RAP1GAP2: variants seen among roughly 807,000 people sequenced by gnomAD.
RAP1GAP2 encodes the protein rap1 GTPase-activating protein 2.
A neutral mutation model predicts 95.0 loss-of-function variants in RAP1GAP2; 27 were observed. The observed-to-expected ratio is 0.28, with a 90% CI of 0.21 to 0.39. RAP1GAP2 has a LOEUF of 0.39. RAP1GAP2 is among the 10% of genes least tolerant of loss of function. The pLI, the probability that RAP1GAP2 is intolerant of heterozygous loss-of-function variation, is 1.00. For synonymous variants in RAP1GAP2, 373 were observed against 380.9 expected (o/e 0.98, Z 0.24); for missense variants, 771 against 970.0 (o/e 0.79, Z 2.72).
chr17:3,018,011 A>G, intron 17 of RAP1GAP2, 50 bp from the exon 18 acceptor site: 1 of 1,537,738 alleles, frequency 6.5e-7, no homozygotes, highest in Non-Finnish European at 8.8e-7. Context: ...GGGCAGAGTC[A>G]TCCGGAGAGC....
chr17:2,963,441 C>G lies in RAP1GAP2; in HGVS notation c.258C>G (p.Ile86Met). 1 of 1,613,820 alleles carries G rather than the reference C, an allele frequency of 6.2e-7. No individual in the cohort carries two copies. Among genetic ancestry groups the G allele is most frequent in the Non-Finnish European group, 8.5e-7 (1 of 1,179,812 alleles). Residue 86 changes from isoleucine (I) to methionine (M), a missense_variant, in exon 6 of 25, where the codon ATC becomes ATG. Physicochemically the swap from Ile to Met is conservative, Grantham distance 10. Coordinates refer to ENST00000254695, the MANE Select transcript of RAP1GAP2 (RefSeq NM_015085.5). The surrounding 1 kb of genome is among the most constrained non-coding windows in gnomAD (Gnocchi z 4.8). Reference sequence around the variant, plus strand: ...GGTTTGTCTTGCAGGACGACTATATCCCATACCCCAGCATCGACGAGGTAG... The same window carrying G: ...GGTTTGTCTTGCAGGACGACTATATGCCATACCCCAGCATCGACGAGGTAG... ...PGPQKNKDDY[I>M]PYPSIDEVVE...
At chr17:2,817,191 G>A (rs1437713496) in intron 2 of RAP1GAP2, among the ~76,000 whole-genome samples, 1 of 117,770 alleles carries the variant, frequency 8.5e-6, no homozygotes, top group Non-Finnish European at 2.0e-5. Flanking sequence ...ATAGGGTTTC[G>A]CCATGATGGC....
intron 2 of RAP1GAP2, among the ~76,000 whole-genome samples, chr17:2,824,120 CAAA>C (rs71150900): frequency 1.3e-4 from 14 of 105,414 alleles, no homozygotes; most frequent in Non-Finnish European, 1.9e-4. Context: ...AAGACTGTCT[CAAA>C]AAAAAAAAAA....
At chr17:2,949,589 A>G (rs2043840182) in intron 3 of RAP1GAP2, among the ~76,000 whole-genome samples, 1 of 151,288 alleles carries the variant, frequency 6.6e-6, no homozygotes, top group Non-Finnish European at 1.5e-5. Context: ...TGCCCTGAGC[A>G]TTAACTCAGT....
Position 2,791,397 on chromosome 17 carries a change from T to C in RAP1GAP2, c.-13-9118T>C, listed in dbSNP as rs773313181. Among the ~76,000 whole-genome samples the C allele has an allele frequency of 4.6e-5, 7 of 152,048 alleles. No individual in the cohort carries two copies. The South Asian group carries it at 6.2e-4, about 14-fold the overall frequency. On this transcript the variant is annotated intron_variant, in intron 1 of 24. Coordinates refer to the RAP1GAP2 transcript ENST00000540393. The stretch of plus-strand genomic sequence containing the variant: ...GAGAAGGAGCCCGTCCAGCCAGGCA[T>C]TGGGGGTAGCTGGGTACTTGCTCTT...
At chr17:2,954,569 C>CTTAT (rs142139752) in intron 3 of RAP1GAP2, among the ~76,000 whole-genome samples, 7,576 of 150,760 alleles carry the variant, frequency 0.05, 235 homozygotes, top group African/African-American at 0.075. Flanking sequence ...CATATCAGTA[C>CTTAT]TTATTTATTT....
chr17:2,936,508 A>G (rs2043316329), intron 3 of RAP1GAP2, among the ~76,000 whole-genome samples: 1 of 151,612 alleles, frequency 6.6e-6, no homozygotes, highest in Non-Finnish European at 1.5e-5. Flanking sequence ...CCCTGCCTCG[A>G]ACCTCTTTCA....
chr17:2,778,773 G>A (rs1437410825), intron 1 of RAP1GAP2, among the ~76,000 whole-genome samples: 1 of 152,170 alleles, frequency 6.6e-6, no homozygotes, highest in African/African-American at 2.4e-5. Context: ...GGCTTATTTG[G>A]GAAGCAATCT....
intron 2 of RAP1GAP2, among the ~76,000 whole-genome samples, chr17:2,880,778 T>C (rs1047668863): frequency 3.3e-5 from 5 of 152,202 alleles, no homozygotes; most frequent in Admixed American, 6.6e-5. Flanking sequence ...TGGATTTTGC[T>C]GTATTTCCAT....
chr17:3,007,919 A>T, intron 16 of RAP1GAP2, 92 bp from the exon 17 acceptor site: 1 of 1,455,352 alleles, frequency 6.9e-7, no homozygotes, highest in Non-Finnish European at 9.3e-7. Context: ...GCAGAATGTC[A>T]GCCTCCAGGC....
At chr17:2,888,112 A>AT (rs1351067316) in intron 2 of RAP1GAP2, among the ~76,000 whole-genome samples, 1 of 152,088 alleles carries the variant, frequency 6.6e-6, no homozygotes, top group Non-Finnish European at 1.5e-5. Context: ...GTTTTTAAAA[A>AT]TTTTGCTTTT....
chr17:3,030,177 T>TACACACACAC (rs61671474), intron 22 of RAP1GAP2, among the ~76,000 whole-genome samples: 56 of 145,250 alleles, frequency 3.9e-4, no homozygotes, highest in Middle Eastern at 3.6e-3. Flanking sequence ...ATATATATTA[T>TACACACACAC]ACACACACAC....
chr17:2,997,547 C>T (rs1480091848), intron 13 of RAP1GAP2, among the ~76,000 whole-genome samples: 4 of 152,198 alleles, frequency 2.6e-5, no homozygotes, highest in Non-Finnish European at 5.9e-5. Flanking sequence ...CAGGGATCTG[C>T]ATGCTGTAGA....
chr17:2,990,820 T>C (rs2045725454), intron 11 of RAP1GAP2, among the ~76,000 whole-genome samples: 1 of 151,622 alleles, frequency 6.6e-6, no homozygotes, highest in Non-Finnish European at 1.5e-5. Flanking sequence ...TTTTGATTAC[T>C]TTAGAGTTTT....
intron 17 of RAP1GAP2, among the ~76,000 whole-genome samples, chr17:3,009,786 T>C (rs932492211): frequency 3.3e-5 from 5 of 151,512 alleles, no homozygotes; most frequent in African/African-American, 1.2e-4. Context: ...ATAGGAGAAA[T>C]TGGGAGATCA....
At chr17:2,781,431 T>C (rs1428691729) in intron 1 of RAP1GAP2, among the ~76,000 whole-genome samples, 2 of 152,200 alleles carry the variant, frequency 1.3e-5, no homozygotes, top group African/African-American at 4.8e-5. Context: ...ACGTGTGGCC[T>C]TGGAGGGCTT....
chr17:2,822,849 C>T (rs2070370118), intron 2 of RAP1GAP2, among the ~76,000 whole-genome samples: 1 of 152,058 alleles, frequency 6.6e-6, no homozygotes, highest in African/African-American at 2.4e-5. Context: ...AATGCTATCC[C>T]TCCCCACTCC....
intron 2 of RAP1GAP2, among the ~76,000 whole-genome samples, chr17:2,816,401 G>T (rs1464801090): frequency 6.6e-6 from 1 of 151,848 alleles, no homozygotes; most frequent in Non-Finnish European, 1.5e-5. Context: ...GCAGTGGCGC[G>T]ATCTTGGCTC....
At chr17:3,011,043 C>A (rs987630069) in intron 17 of RAP1GAP2, among the ~76,000 whole-genome samples, 15 of 152,160 alleles carry the variant, frequency 9.9e-5, no homozygotes, top group Admixed American at 9.2e-4. Context: ...TATCCTACCT[C>A]AGCCTCCTGA....
Sources: allele counts gnomAD v4.1 joint callset (sites outside exome capture counted in the v4.1 genomes callset), GRCh38; gene constraint gnomAD v4.1.1; non-coding constraint Gnocchi (gnomAD v3.1); transcripts MANE v1.5; gene names NCBI Gene and HGNC (gene_info 2026-07-23, HGNC 2026-07-21).